CSMD1: variants seen among roughly 807,000 people sequenced by gnomAD.
CSMD1 encodes the protein CUB and Sushi multiple domains 1.
Under a neutral mutation model 417.5 loss-of-function variants are expected in CSMD1, and 213 were observed. That is an observed-to-expected ratio of 0.51 (90% CI 0.46 to 0.57). The LOEUF is 0.57. Among genes scored for constraint, CSMD1 ranks in the 20% least tolerant of loss-of-function variants. CSMD1 has a pLI of 0.00. For synonymous variants in CSMD1, 2,862 were observed against 1,736.8 expected, an observed-to-expected ratio of 1.65 and a Z score of -16.11; for missense variants, 6,923 against 4,529.7, an observed-to-expected ratio of 1.53 and a Z score of -15.17.
intron 68 of CSMD1, among the ~76,000 whole-genome samples, chr8:2,945,690 C>T (rs904540958): frequency 6.6e-6 from 1 of 152,154 alleles, no homozygotes; most frequent in Non-Finnish European, 1.5e-5. Flanking sequence ...CTGCTACCCT[C>T]CGTTCCCTTC....
intron 3 of CSMD1, among the ~76,000 whole-genome samples, chr8:4,132,697 G>A (rs1252189248): frequency 6.6e-6 from 1 of 152,046 alleles, no homozygotes; most frequent in Non-Finnish European, 1.5e-5. Context: ...CTCAATGTGG[G>A]GCTTCCACGC....
intron 5 of CSMD1, among the ~76,000 whole-genome samples, chr8:3,803,506 G>T (rs1800570131): frequency 6.6e-6 from 1 of 152,168 alleles, no homozygotes; most frequent in Admixed American, 6.5e-5. Context: ...AAGAGCCCAT[G>T]CACAGAAAAC....
At chr8:4,304,622 A>G (rs919833527) in intron 3 of CSMD1, among the ~76,000 whole-genome samples, 1 of 152,178 alleles carries the variant, frequency 6.6e-6, no homozygotes, top group African/African-American at 2.4e-5. Flanking sequence ...TTTTATACAG[A>G]TCAGATTCCC....
intron 5 of CSMD1, among the ~76,000 whole-genome samples, chr8:3,819,187 C>G (rs762746794): frequency 2.0e-5 from 3 of 152,082 alleles, no homozygotes; most frequent in Non-Finnish European, 4.4e-5. Flanking sequence ...CACAGTGAAA[C>G]TCAATGTCTC....
chr8:3,902,073 A>G (rs1807791933), intron 5 of CSMD1, among the ~76,000 whole-genome samples: 2 of 152,074 alleles, frequency 1.3e-5, no homozygotes, highest in Non-Finnish European at 2.9e-5. Context: ...TTGTTGCCAG[A>G]TTCCTATTTG....
At chr8:4,234,946 T>G (rs1474459171) in intron 3 of CSMD1, among the ~76,000 whole-genome samples, 2 of 152,144 alleles carry the variant, frequency 1.3e-5, no homozygotes, top group South Asian at 4.1e-4. Flanking sequence ...TAATCTTGAT[T>G]CTAAGGGCGG....
At chr8:3,592,826 G>A (rs773630474) in intron 8 of CSMD1, among the ~76,000 whole-genome samples, 1 of 152,116 alleles carries the variant, frequency 6.6e-6, no homozygotes, top group Non-Finnish European at 1.5e-5. Flanking sequence ...GTGGGATCCA[G>A]GTGTACATCA....
chr8:4,187,255 G>A (rs577576993), intron 3 of CSMD1, among the ~76,000 whole-genome samples: 1 of 152,184 alleles, frequency 6.6e-6, no homozygotes, highest in Non-Finnish European at 1.5e-5. Flanking sequence ...TTATGGCAGA[G>A]ACTTAAAATG....
chr8:4,006,568 G>A (rs140010143), intron 4 of CSMD1, among the ~76,000 whole-genome samples: 4 of 152,058 alleles, frequency 2.6e-5, no homozygotes, highest in Non-Finnish European at 5.9e-5. Context: ...ATAAATAATG[G>A]CAATATTCTT....
intron 7 of CSMD1, among the ~76,000 whole-genome samples, chr8:3,641,175 T>C (rs1365340405): frequency 6.6e-6 from 1 of 152,034 alleles, no homozygotes; most frequent in Non-Finnish European, 1.5e-5. Context: ...TAACATGCAA[T>C]GGGTGATCAC....
intron 5 of CSMD1, among the ~76,000 whole-genome samples, chr8:3,892,207 C>G (rs980600420): frequency 6.6e-6 from 1 of 152,112 alleles, no homozygotes; most frequent in African/African-American, 2.4e-5. Context: ...CCCTATTTTA[C>G]AAGGTTAAAT....
chr8:4,746,470 A>C (rs994474881), intron 1 of CSMD1, among the ~76,000 whole-genome samples: 1 of 152,354 alleles, frequency 6.6e-6, no homozygotes, highest in Middle Eastern at 3.4e-3. Context: ...AGGCTCCCTC[A>C]AGAATGAGTG....
intron 3 of CSMD1, among the ~76,000 whole-genome samples, chr8:4,258,345 GGGAGAAAGA>G (rs1803610712): frequency 3.3e-5 from 2 of 61,492 alleles, no homozygotes; most frequent in Non-Finnish European, 6.2e-5. Flanking sequence ...AGGGAGGGGA[GGGAGAAAGA>G]GAAGGAGGGA....
intron 5 of CSMD1, among the ~76,000 whole-genome samples, chr8:3,872,203 T>C (rs1805523211): frequency 6.6e-6 from 1 of 152,208 alleles, no homozygotes; most frequent in Non-Finnish European, 1.5e-5. Flanking sequence ...AAATGTGAGA[T>C]CGTATACTTC....
rs1413628360 is a variant in CSMD1 at position 4,981,024 on chromosome 8, G to A, written c.85+13308C>T. On this transcript the variant is annotated intron_variant, in intron 1 of 69. Coordinates refer to ENST00000635120, the MANE Select transcript of CSMD1 (RefSeq NM_033225.6). ...ATTATTATTTCACTTAGAGAAGGTTGACATAGTTAGAAGAAACCAAACAAG... is the reference window on the plus strand; with the variant it reads ...ATTATTATTTCACTTAGAGAAGGTTAACATAGTTAGAAGAAACCAAACAAG... 3.3e-5 allele frequency among the ~76,000 whole-genome samples: 5 copies of A among 152,172 alleles called. No homozygotes were observed. In the East Asian group the frequency reaches 7.7e-4, roughly 23 times the overall value.
chr8:3,323,911 G>T (rs577968038), intron 23 of CSMD1, among the ~76,000 whole-genome samples: 1 of 142,034 alleles, frequency 7.0e-6, no homozygotes, highest in Non-Finnish European at 1.5e-5. Context: ...TTTCATCATT[G>T]TTAAAATAGA....
chr8:4,577,219 T>C (rs532910517), intron 2 of CSMD1, among the ~76,000 whole-genome samples: 2 of 152,304 alleles, frequency 1.3e-5, no homozygotes, highest in East Asian at 1.9e-4. Flanking sequence ...AAATCAAATA[T>C]AGAATGTAAG....
chr8:4,243,103 A>G (rs1010480881), intron 3 of CSMD1, among the ~76,000 whole-genome samples: 2 of 152,082 alleles, frequency 1.3e-5, no homozygotes, highest in African/African-American at 2.4e-5. Context: ...AATCCGGAAC[A>G]TGTTCACTGT....
chr8:4,861,510 T>G (rs528093666), intron 1 of CSMD1, among the ~76,000 whole-genome samples: 2 of 152,056 alleles, frequency 1.3e-5, no homozygotes, highest in South Asian at 4.1e-4. Flanking sequence ...CGATTTAGTG[T>G]CAAGTGAGGG....
Sources: allele counts gnomAD v4.1 joint callset (sites outside exome capture counted in the v4.1 genomes callset), GRCh38; gene constraint gnomAD v4.1.1; transcripts MANE v1.5; gene names NCBI Gene and HGNC (gene_info 2026-07-23, HGNC 2026-07-21).